Variants in C2CD3 observed in about 807,000 individuals in gnomAD.
C2CD3 encodes C2 domain containing 3 centriole elongation regulator.
C2CD3 carries 148 observed loss-of-function variants against 234.0 expected under a neutral mutation model. The observed-to-expected ratio is 0.63, with a 90% CI of 0.55 to 0.72. The LOEUF is 0.72. C2CD3 is among the 30% of genes least tolerant of loss of function. The probability of loss-of-function intolerance (pLI) is 0.00; values close to 1 mark genes in which losing one functional copy is unlikely to be tolerated. For missense variants in C2CD3, 2,577 were observed against 2,811.5 expected, an observed-to-expected ratio of 0.92 and a Z score of 1.89; for synonymous variants, 1,000 against 1,035.4, an observed-to-expected ratio of 0.97 and a Z score of 0.66.
In C2CD3 at chr11:74,033,360, C is replaced by T; in HGVS notation, c.6800G>A (p.Ser2267Asn). The T allele has an allele frequency of 6.5e-7, 1 of 1,535,806 alleles. No homozygotes were observed. The highest frequency in any genetic ancestry group is 1.2e-5 in the South Asian group (1 of 84,052). ...TTGSETSTKQSLLLPGPIVVP... is the reference protein window; with the variant it reads ...TTGSETSTKQNLLLPGPIVVP... ...AAATGCCAAAGGATACAGCAGGAGG[C>T]TCTGCTTTGTGGACGTCTCTGATCC... is the stretch of plus-strand genomic sequence containing the variant. Residue 2267 changes from serine (S) to asparagine (N), a missense_variant, in exon 31 of 33, where the codon AGC becomes AAC. Ser to Asn is a conservative substitution (Grantham distance 46). Coordinates refer to ENST00000334126, the MANE Select transcript of C2CD3 (RefSeq NM_001286577.2).
intron 25 of C2CD3, among the ~76,000 whole-genome samples, chr11:74,056,545 T>A (rs1953955795): frequency 1.3e-5 from 2 of 152,294 alleles, no homozygotes; most frequent in South Asian, 4.1e-4. Context: ...ATAAAAATGA[T>A]CCCCACTTTA....
chr11:74,071,406 T>C (rs1176413113), intron 24 of C2CD3, among the ~76,000 whole-genome samples: 1 of 152,208 alleles, frequency 6.6e-6, no homozygotes, highest in Admixed American at 6.5e-5. Context: ...TATGTGTCAG[T>C]CAGGCACTGT....
intron 3 of C2CD3, among the ~76,000 whole-genome samples, chr11:74,160,059 G>A (rs1042141660): frequency 2.0e-5 from 3 of 152,092 alleles, no homozygotes; most frequent in Admixed American, 2.0e-4. Context: ...TGTTACAACA[G>A]TATTCAGTAT....
At chr11:74,022,426 A>G (rs1223664973) in intron 32 of C2CD3, among the ~76,000 whole-genome samples, 1 of 152,152 alleles carries the variant, frequency 6.6e-6, no homozygotes, top group East Asian at 1.9e-4. Flanking sequence ...ATCGGACAAG[A>G]CGTCTAGGAT....
chr11:74,099,413 C>A (rs1956227639), intron 15 of C2CD3, among the ~76,000 whole-genome samples: 1 of 152,188 alleles, frequency 6.6e-6, no homozygotes, highest in Non-Finnish European at 1.5e-5. Flanking sequence ...CAAATTTCTT[C>A]ATCTGTAATA....
chr11:74,117,506 A>G (rs908826945), intron 9 of C2CD3, among the ~76,000 whole-genome samples: 5 of 151,040 alleles, frequency 3.3e-5, no homozygotes, highest in Admixed American at 6.7e-5. Flanking sequence ...ACCAAATATC[A>G]TATGTTCTCA....
chr11:74,038,864 A>G (rs1307469037), intron 29 of C2CD3, among the ~76,000 whole-genome samples: 1 of 152,226 alleles, frequency 6.6e-6, no homozygotes, highest in African/African-American at 2.4e-5. Context: ...AATAGAAGAT[A>G]TATCTCACAC....
rs758046987 is a variant in C2CD3 at position 74,090,870 on chromosome 11, C to G, written c.3584G>C (p.Arg1195Pro). The G allele has an allele frequency of 6.2e-7, 1 of 1,614,046 alleles. No homozygotes were observed. Among genetic ancestry groups the G allele is most frequent in the South Asian group, 1.1e-5 (1 of 91,082 alleles). Reference sequence around the variant, plus strand: ...AATCTGGACTGAGATGGAAACAGTTCGGGCAGCAAGAACTCCCTCTGCTGT... The same window carrying G: ...AATCTGGACTGAGATGGAAACAGTTGGGGCAGCAAGAACTCCCTCTGCTGT... The part of the protein sequence containing the change: ...PRTAEGVLAA[R>P]TVSISVQIIR... Residue 1195 changes from arginine (R) to proline (P), a missense_variant, in exon 20 of 33, where the codon CGA becomes CCA. Arg to Pro is a moderately radical substitution (Grantham distance 103). Transcript: ENST00000334126.
At chr11:74,115,674 T>C (rs1415177582) in intron 9 of C2CD3, among the ~76,000 whole-genome samples, 3 of 151,984 alleles carry the variant, frequency 2.0e-5, no homozygotes, top group South Asian at 2.1e-4. Context: ...CAAAGCAAGA[T>C]TAAGCAAAAA....
chr11:74,163,449 A>G (rs1176937672), intron 2 of C2CD3, among the ~76,000 whole-genome samples: 2 of 152,176 alleles, frequency 1.3e-5, no homozygotes, highest in Non-Finnish European at 2.9e-5. Context: ...TTGAATTGTA[A>G]TTCCCATAAT....
intron 24 of C2CD3, among the ~76,000 whole-genome samples, chr11:74,061,798 C>T (rs1340693252): frequency 6.6e-6 from 1 of 152,160 alleles, no homozygotes; most frequent in East Asian, 1.9e-4. Flanking sequence ...TGTAAATGGG[C>T]TAAATGCTCC....
chr11:74,146,240 TGAATGCAGCA>T (rs1226163783), intron 3 of C2CD3, among the ~76,000 whole-genome samples: 24 of 152,276 alleles, frequency 1.6e-4, no homozygotes, highest in African/African-American at 5.8e-4. Context: ...GAATGTTTAG[TGAATGCAGCA>T]GAATTTGGGT....
intron 3 of C2CD3, among the ~76,000 whole-genome samples, chr11:74,147,979 G>C (rs764374119): frequency 2.6e-5 from 4 of 152,088 alleles, no homozygotes; most frequent in Non-Finnish European, 5.9e-5. Context: ...GGTTAATAAA[G>C]TACAGTACAA....
rs926513974 is a variant in C2CD3 at position 74,013,517 on chromosome 11, G to A, written c.6930C>T (p.Ser2310=). The change falls in exon 33 of 33, where the codon AGC becomes AGT. Residue 2310 remains serine, a synonymous_variant. Coordinates refer to ENST00000334126, the MANE Select transcript of C2CD3 (RefSeq NM_001286577.2). ...PPAATTDQDK[S]EATRGALSQR... ...GGGAGAGAGCTCCCCTGGTGGCTTC[G>A]CTCTTGTCCTGGAGAGGAAGAAGTC... 7 of 1,352,462 alleles carry A rather than the reference G, an allele frequency of 5.2e-6. No individual in the cohort carries two copies. The highest frequency in any genetic ancestry group is 1.9e-5 in the South Asian group (1 of 53,670). The allele number at this position is 1,352,462 out of a possible 1,614,324, so 83.8% of individuals were successfully genotyped here.
At chr11:74,048,074 G>T in intron 28 of C2CD3, 131 bp downstream of exon 28, 2 of 989,052 alleles carry the variant, frequency 2.0e-6, no homozygotes, top group Non-Finnish European at 2.9e-6. Context: ...TTGGAGTTGT[G>T]ACAGAAGATC....
intron 31 of C2CD3, among the ~76,000 whole-genome samples, chr11:74,032,170 G>A (rs1450431312): frequency 2.0e-5 from 3 of 152,086 alleles, no homozygotes; most frequent in Non-Finnish European, 4.4e-5. Context: ...AGGGATTTCC[G>A]CCTCCATTTT....
At chr11:74,098,321 TC>T (rs1956187941) in intron 15 of C2CD3, 66 bp from the exon 16 acceptor site, 3 of 1,506,838 alleles carry the variant, frequency 2.0e-6, no homozygotes, top group Non-Finnish European at 2.7e-6. Context: ...GTTATTTCTT[TC>T]TTGACTCATT....
intron 32 of C2CD3, among the ~76,000 whole-genome samples, chr11:74,022,266 G>A (rs575367571): frequency 6.6e-6 from 1 of 152,312 alleles, no homozygotes; most frequent in South Asian, 2.1e-4. Flanking sequence ...GGGGATAAAG[G>A]AGCAGGGGTG....
intron 24 of C2CD3, among the ~76,000 whole-genome samples, chr11:74,073,259 T>C (rs746397472): frequency 7.2e-5 from 11 of 152,146 alleles, no homozygotes; most frequent in African/African-American, 2.4e-4. Context: ...TATAGTAATA[T>C]ATGTGCTTTA....
Sources: gnomAD v4.1 joint callset for allele counts (sites outside exome capture counted in the v4.1 genomes callset) on GRCh38, gnomAD v4.1.1 for gene constraint, MANE v1.5 for transcripts, NCBI Gene and HGNC (gene_info 2026-07-23, HGNC 2026-07-21) for gene names.